The following ARHGAP32 variants were observed in gnomAD, a reference collection of about 807,000 sequenced individuals.
ARHGAP32 encodes the protein Rho GTPase activating protein 32.
A neutral mutation model predicts 186.5 loss-of-function variants in ARHGAP32; 51 were observed. That is an observed-to-expected ratio of 0.27 (90% CI 0.22 to 0.35). ARHGAP32 has a LOEUF of 0.35. Ranked by LOEUF, ARHGAP32 falls within the 10% of genes least tolerant of loss-of-function variation. The pLI is 1.00. For synonymous variants in ARHGAP32, 950 were observed against 964.3 expected (o/e 0.99, Z 0.27); for missense variants, 2,186 against 2,623.5 (o/e 0.83, Z 3.64).
chr11:129,122,707 T>C (rs1462201434), intron 5 of ARHGAP32, among the ~76,000 whole-genome samples: 1 of 152,082 alleles, frequency 6.6e-6, no homozygotes, highest in East Asian at 1.9e-4. Context: ...GTGACACAAA[T>C]CAGTCATGTC....
In ARHGAP32 at chr11:129,142,921, G is replaced by A. The variant is rs973457748; in HGVS notation, c.226-18027C>T. 3.3e-5 allele frequency among the ~76,000 whole-genome samples: 5 copies of A among 150,944 alleles called. No homozygotes were observed. In the South Asian group the frequency reaches 1.0e-3, roughly 31 times the overall value. On this transcript the variant is annotated intron_variant, in intron 2 of 22. Coordinates refer to ENST00000682385, the MANE Select transcript of ARHGAP32 (RefSeq NM_001378024.1). ...TCATTTGTAGTCAGAATTTGACAGA[G>A]GTCACAGAAGCTTTAGATTAATGTT... is the stretch of plus-strand genomic sequence containing the variant.
Position 128,978,919 on chromosome 11 carries a change from T to C in ARHGAP32, c.1977-4A>G, listed in dbSNP as rs552225731. The C allele has an allele frequency of 3.8e-6, 6 of 1,594,420 alleles. No homozygotes were observed. The highest frequency in any genetic ancestry group is 3.4e-5 in the South Asian group (3 of 87,918). ...CATCTTATTTTGAGGCCTCTTTCTATGAAAGAGAAAAAATAATCAACATTA... is the reference window on the plus strand; with the variant it reads ...CATCTTATTTTGAGGCCTCTTTCTACGAAAGAGAAAAAATAATCAACATTA... On this transcript the variant is annotated splice_region_variant and splice_polypyrimidine_tract_variant and intron_variant, in intron 18 of 22. Coordinates refer to ENST00000682385, the MANE Select transcript of ARHGAP32 (RefSeq NM_001378024.1).
intron 2 of ARHGAP32, among the ~76,000 whole-genome samples, chr11:129,141,707 CAA>C (rs1047671099): frequency 7.4e-6 from 1 of 134,354 alleles, no homozygotes; most frequent in African/African-American, 2.7e-5. Context: ...TATATAAAAT[CAA>C]AAAAAAAAAC....
chr11:129,087,336 C>T (rs1941437821), intron 6 of ARHGAP32, among the ~76,000 whole-genome samples: 1 of 152,170 alleles, frequency 6.6e-6, no homozygotes, highest in African/African-American at 2.4e-5. Context: ...AACCTAGAAG[C>T]AACTGAGATG....
At chr11:129,140,257 C>T (rs1943023351) in intron 2 of ARHGAP32, among the ~76,000 whole-genome samples, 1 of 152,060 alleles carries the variant, frequency 6.6e-6, no homozygotes, top group South Asian at 2.1e-4. Context: ...AGATCTACAA[C>T]CATAAGGAAC....
In ARHGAP32 at chr11:129,165,918, A is replaced by C. The variant is rs547790345; in HGVS notation, c.117-1491T>G. Among the ~76,000 whole-genome samples the C allele has an allele frequency of 2.6e-5, 4 of 152,238 alleles. No homozygotes were observed. In the East Asian group the frequency reaches 5.8e-4, roughly 22 times the overall value. ...CTTTTCTGAACACAGTATGGGGAGA[A>C]GAGGAATACATAAGAAGAATTTAGT... On this transcript the variant is annotated intron_variant, in intron 1 of 22. Coordinates refer to ENST00000682385, the MANE Select transcript of ARHGAP32 (RefSeq NM_001378024.1).
intron 11 of ARHGAP32, among the ~76,000 whole-genome samples, chr11:129,023,523 T>G (rs758429400): frequency 6.6e-6 from 1 of 152,188 alleles, no homozygotes; most frequent in Non-Finnish European, 1.5e-5. Flanking sequence ...CAGGTTCTTT[T>G]AATCATAAAA....
intron 2 of ARHGAP32, among the ~76,000 whole-genome samples, chr11:129,156,652 T>C (rs511286): frequency 0.23 from 34,621 of 152,076 alleles, 4,787 homozygotes; most frequent in Middle Eastern, 0.35. Flanking sequence ...GGGTGCAGCT[T>C]CATCAGACCT....
chr11:129,265,147 G>T (rs868094273), intron 1 of ARHGAP32, among the ~76,000 whole-genome samples: 3 of 152,208 alleles, frequency 2.0e-5, no homozygotes, highest in African/African-American at 7.2e-5. Context: ...TTTCCAAACT[G>T]GGAGGGAAGT....
In ARHGAP32 at chr11:128,974,494, G is replaced by A. The variant is rs1052329603; in HGVS notation, c.2703C>T (p.Val901=). 5.6e-6 allele frequency: 9 copies of A among 1,614,012 alleles called. No individual in the cohort carries two copies. Among genetic ancestry groups the A allele is most frequent in the Admixed American group, 1.7e-5 (1 of 60,000 alleles). ...CTATCTTCGGAGAGAAAGCATAGAC[G>A]ACCTTTTCAGTAAAGGAGGATGGCT... ...SSKPSSFTEK[V]VYAFSPKIGR... is the part of the protein sequence containing the mutation. The change falls in exon 21 of 23, where the codon GTC becomes GTT. Residue 901 remains valine (V), a synonymous_variant. Coordinates refer to ENST00000682385, the MANE Select transcript of ARHGAP32 (RefSeq NM_001378024.1).
rs189936268 is a variant in ARHGAP32, at chr11:129,013,310, A to T, written c.1046-14842T>A. Among the ~76,000 whole-genome samples the T allele has an allele frequency of 3.1e-3, 479 of 152,324 alleles. 2 individuals are homozygous for T. Among genetic ancestry groups the T allele is most frequent in the Non-Finnish European group, 4.4e-3 (296 of 68,028 alleles). On this transcript the variant is annotated intron_variant, in intron 11 of 22. Transcript: ENST00000682385. ...TTGCATTGTCACCTTTCCACAAAAC[A>T]TTGCTACGTAGATTAGAACTTCACA... is the stretch of plus-strand genomic sequence containing the variant.
chr11:129,110,828 T>C (rs963004013), intron 5 of ARHGAP32, among the ~76,000 whole-genome samples: 1 of 152,228 alleles, frequency 6.6e-6, no homozygotes, highest in East Asian at 1.9e-4. Flanking sequence ...AAAAGTTTTC[T>C]GTGAAGTCTT....
chr11:129,100,057 T>C (rs970139036), intron 5 of ARHGAP32, among the ~76,000 whole-genome samples: 1 of 152,150 alleles, frequency 6.6e-6, no homozygotes, highest in Admixed American at 6.5e-5. Context: ...AGACCCCCCT[T>C]TGACCACCAT....
At chr11:129,120,696 T>C (rs1942505560) in intron 5 of ARHGAP32, among the ~76,000 whole-genome samples, 1 of 152,094 alleles carries the variant, frequency 6.6e-6, no homozygotes, top group Non-Finnish European at 1.5e-5. Context: ...TAGGATATGA[T>C]GGCCAACTGC....
chr11:129,029,474 G>A (rs1438640120), intron 11 of ARHGAP32, among the ~76,000 whole-genome samples: 1 of 152,104 alleles, frequency 6.6e-6, no homozygotes, highest in African/African-American at 2.4e-5. Context: ...GAAGCCTCAG[G>A]CAGGTGTCTT....
At chr11:128,983,501 G>A (rs1054142968) in intron 15 of ARHGAP32, among the ~76,000 whole-genome samples, 2 of 151,674 alleles carry the variant, frequency 1.3e-5, no homozygotes, top group African/African-American at 4.8e-5. Flanking sequence ...TTGTGGGGTG[G>A]GGGGAAGGGG....
intron 1 of ARHGAP32, among the ~76,000 whole-genome samples, chr11:129,167,742 T>C (rs1165466658): frequency 6.6e-6 from 1 of 152,190 alleles, no homozygotes; most frequent in Non-Finnish European, 1.5e-5. Flanking sequence ...GTTCTACTAA[T>C]AGGTGAGGGA....
intron 1 of ARHGAP32, among the ~76,000 whole-genome samples, chr11:129,253,334 A>G (rs554463368): frequency 3.3e-4 from 51 of 152,250 alleles, no homozygotes; most frequent in Middle Eastern, 3.4e-3. Context: ...CACTCTCACT[A>G]TTTTTCAATC....
At chr11:129,078,389 C>T (rs571068964) in intron 6 of ARHGAP32, among the ~76,000 whole-genome samples, 2 of 152,262 alleles carry the variant, frequency 1.3e-5, no homozygotes, top group South Asian at 2.1e-4. Context: ...GGTAAGATGA[C>T]GAAACAAGGT....
Sources: allele counts gnomAD v4.1 joint callset (sites outside exome capture counted in the v4.1 genomes callset), GRCh38; gene constraint gnomAD v4.1.1; transcripts MANE v1.5; gene names NCBI Gene and HGNC (gene_info 2026-07-23, HGNC 2026-07-21).